The following PSMD5 variants were observed in gnomAD, a reference collection of about 807,000 sequenced individuals.
PSMD5 encodes 26S proteasome non-ATPase regulatory subunit 5.
In PSMD5, 40 loss-of-function variants were observed where a neutral mutation model predicts 52.1. The ratio of observed to expected loss-of-function variants is 0.77; its 90% CI spans 0.60 to 1.00. The LOEUF (loss-of-function observed/expected upper bound fraction) is 1.00, where lower values mean the gene tolerates loss of function less well. Among genes scored for constraint, PSMD5 ranks in the 50% least tolerant of loss-of-function variants. The probability of loss-of-function intolerance (pLI) is 0.00; values close to 1 mark genes in which losing one functional copy is unlikely to be tolerated. For synonymous variants in PSMD5, 211 were observed against 226.6 expected, an observed-to-expected ratio of 0.93 and a Z score of 0.62; for missense variants, 575 against 605.2, an observed-to-expected ratio of 0.95 and a Z score of 0.52.
Position 120,817,807 on chromosome 9 carries a change from T to G in PSMD5, c.*99A>C. 2.3e-6 allele frequency: 3 copies of G among 1,287,002 alleles called. No individual in the cohort carries two copies. Among genetic ancestry groups the G allele is most frequent in the Non-Finnish European group, 3.2e-6 (3 of 929,100 alleles). The allele number at this position is 1,287,002 out of a possible 1,614,324, so 79.7% of individuals were successfully genotyped here. ...ACATCTGACATTCCATGATAATTCT[T>G]GGGGAAAGGAAGTCTCTTTTGTGAA... On this transcript the variant is annotated 3_prime_UTR_variant, in exon 10 of 10. Transcript: ENST00000210313.
intron 6 of PSMD5, 84 bp from the exon 7 acceptor site, chr9:120,824,769 T>G: frequency 8.6e-7 from 1 of 1,158,160 alleles, no homozygotes; most frequent in Non-Finnish European, 1.2e-6. Context: ...GGAACAGAAA[T>G]GAACTGCAGG....
intron 1 of PSMD5, chr9:120,842,478 T>C (rs2045246863): frequency 3.7e-6 from 2 of 541,482 alleles, no homozygotes; most frequent in Non-Finnish European, 6.5e-6. Flanking sequence ...TTAATTTCTA[T>C]TTGATGAAGA....
chr9:120,829,057 T>G, intron 5 of PSMD5, 42 bp downstream of exon 5: 1 of 1,513,812 alleles, frequency 6.6e-7, no homozygotes, highest in South Asian at 1.3e-5. Context: ...TTCCCAGCCC[T>G]TCAAAAGAGG....
chr9:120,818,735 A>T (rs1375861094), intron 9 of PSMD5, among the ~76,000 whole-genome samples: 3 of 152,106 alleles, frequency 2.0e-5, no homozygotes, highest in South Asian at 2.1e-4. Flanking sequence ...GACAAATTTT[A>T]AAAAAACGTA....
intron 1 of PSMD5, among the ~76,000 whole-genome samples, chr9:120,833,672 CTTT>C (rs71385094): frequency 4.7e-5 from 4 of 85,632 alleles, no homozygotes; most frequent in Non-Finnish European, 6.4e-5. Flanking sequence ...CTCTAGTCTT[CTTT>C]TTTTTTTTTT....
chr9:120,828,487 A>G (rs2045138572), intron 5 of PSMD5, among the ~76,000 whole-genome samples: 1 of 129,076 alleles, frequency 7.7e-6, no homozygotes, highest in Non-Finnish European at 1.6e-5. Flanking sequence ...TCTGTTGCCC[A>G]GGCTGGAGTA....
chr9:120,824,174 C>G (rs542200744), intron 7 of PSMD5: 1 of 270,534 alleles, frequency 3.7e-6, no homozygotes, highest in South Asian at 4.4e-5. Flanking sequence ...CTTTCTGACT[C>G]TAGCCCGTGG....
intron 7 of PSMD5, among the ~76,000 whole-genome samples, chr9:120,821,801 T>C (rs2045087033): frequency 6.6e-6 from 1 of 152,252 alleles, no homozygotes; most frequent in Non-Finnish European, 1.5e-5. Flanking sequence ...CATAATGTTA[T>C]CAGTGGCGCA....
intron 7 of PSMD5, 92 bp downstream of exon 7, chr9:120,824,402 T>C (rs2045107524): frequency 8.0e-7 from 1 of 1,256,236 alleles, no homozygotes; most frequent in African/African-American, 1.5e-5. Context: ...AAATAGTTTC[T>C]ACAATGTAGT....
chr9:120,826,276 G>A (rs552122830), intron 6 of PSMD5, among the ~76,000 whole-genome samples: 2 of 152,286 alleles, frequency 1.3e-5, no homozygotes, highest in East Asian at 1.9e-4. Context: ...TTACAGGCAT[G>A]AGCCACTGCG....
intron 9 of PSMD5, among the ~76,000 whole-genome samples, chr9:120,820,331 T>TGA (rs1472165870): frequency 6.6e-6 from 1 of 152,198 alleles, no homozygotes; most frequent in African/African-American, 2.4e-5. Flanking sequence ...ATGCAACATA[T>TGA]GAGAACCAAC....
chr9:120,820,723 A>G (rs2045077575), intron 9 of PSMD5, 116 bp downstream of exon 9: 1 of 1,037,902 alleles, frequency 9.6e-7, no homozygotes, highest in South Asian at 2.6e-5. Context: ...CAGAAGGTAG[A>G]AACTATACTA....
chr9:120,840,427 T>C (rs2045226732), intron 1 of PSMD5, among the ~76,000 whole-genome samples: 1 of 149,960 alleles, frequency 6.7e-6, no homozygotes, highest in Admixed American at 6.6e-5. Flanking sequence ...GTCTACAAAG[T>C]GTTTTTATTA....
intron 1 of PSMD5, 55 bp from the exon 2 acceptor site, chr9:120,833,511 A>C: frequency 6.5e-7 from 1 of 1,545,816 alleles, no homozygotes; most frequent in Non-Finnish European, 8.8e-7. Context: ...GTAGGAAGTA[A>C]CAACCTAATA....
At chr9:120,822,917 C>G (rs1225588333) in intron 7 of PSMD5, among the ~76,000 whole-genome samples, 1 of 152,010 alleles carries the variant, frequency 6.6e-6, no homozygotes, top group African/African-American at 2.4e-5. Flanking sequence ...CAGCCTTCAC[C>G]TCCTGGGCTC....
At chr9:120,842,682 T>C in intron 1 of PSMD5, 55 bp downstream of exon 1, 1 of 1,597,770 alleles carries the variant, frequency 6.3e-7, no homozygotes, top group Non-Finnish European at 8.5e-7. Context: ...ACCACTCTCA[T>C]GTCCATATTT....
At chr9:120,827,013 G>A (rs538440562) in intron 5 of PSMD5, 106 bp from the exon 6 acceptor site, 67 of 1,187,834 alleles carry the variant, frequency 5.6e-5, no homozygotes, top group Admixed American at 1.5e-4. Flanking sequence ...TATCACATTC[G>A]AAAGGTCAAT....
chr9:120,824,368 T>C (rs971961397), intron 7 of PSMD5, 126 bp downstream of exon 7: 1 of 902,318 alleles, frequency 1.1e-6, no homozygotes, highest in Non-Finnish European at 1.8e-6. Flanking sequence ...TACAAGGTCA[T>C]GGTTAACAAG....
At position 120,826,902 on chromosome 9, in the gene PSMD5, G is replaced by A; in HGVS notation, c.677C>T (p.Thr226Ile). The change falls in exon 6 of 10, where the codon ACC becomes ATC. Residue 226 changes from threonine to isoleucine, a missense_variant. Physicochemically the swap from Thr to Ile is moderately conservative, Grantham distance 89. Coordinates refer to ENST00000210313, the MANE Select transcript of PSMD5 (RefSeq NM_005047.4). The part of the protein sequence containing the change: ...LTGEDVLVRA[T>I]CIEMVTSLAY... The stretch of plus-strand genomic sequence containing the variant: ...CAGTGATGTCACCATTTCTATACAG[G>A]TGGCTCTAAAATGTCAGAAGGACAA... The A allele has an allele frequency of 2.5e-6, 4 of 1,608,008 alleles. No homozygotes were observed. The highest frequency in any genetic ancestry group is 3.4e-6 in the Non-Finnish European group (4 of 1,177,030).
Sources: gnomAD v4.1 joint callset for allele counts (sites outside exome capture counted in the v4.1 genomes callset) on GRCh38, gnomAD v4.1.1 for gene constraint, MANE v1.5 for transcripts, NCBI Gene and HGNC (gene_info 2026-07-23, HGNC 2026-07-21) for gene names.